FHIT: variants seen among roughly 807,000 people sequenced by gnomAD.
The protein encoded by FHIT is bis(5'-adenosyl)-triphosphatase.
In FHIT, 19 loss-of-function variants were observed where a neutral mutation model predicts 17.9. The observed-to-expected ratio is 1.06, with a 90% CI of 0.74 to 1.56. FHIT has a LOEUF of 1.56. Ranked by LOEUF, FHIT falls within the 40% of genes most tolerant of loss-of-function variation. The probability of loss-of-function intolerance (pLI) is 0.00; values close to 1 mark genes in which losing one functional copy is unlikely to be tolerated. For synonymous variants in FHIT, 81 were observed against 69.7 expected (o/e 1.16, Z -0.81); for missense variants, 248 against 189.2 (o/e 1.31, Z -1.82).
At chr3:60,500,836 A>C (rs1013916072) in intron 5 of FHIT, among the ~76,000 whole-genome samples, 17 of 151,084 alleles carry the variant, frequency 1.1e-4, no homozygotes, top group Non-Finnish European at 1.9e-4. Flanking sequence ...GCTGGCTGAA[A>C]TCATAAAGAA....
intron 5 of FHIT, among the ~76,000 whole-genome samples, chr3:60,233,809 G>C (rs1704624377): frequency 6.6e-6 from 1 of 152,050 alleles, no homozygotes; most frequent in Admixed American, 6.5e-5. Flanking sequence ...GGATCTGATG[G>C]TTTTATGAAG....
intron 4 of FHIT, among the ~76,000 whole-genome samples, chr3:60,539,111 C>A (rs1171870342): frequency 6.6e-6 from 1 of 152,068 alleles, no homozygotes; most frequent in East Asian, 1.9e-4. Context: ...AACAAACAAC[C>A]CCATCAACAA....
chr3:60,095,009 T>C (rs985925639), intron 5 of FHIT, among the ~76,000 whole-genome samples: 5 of 152,192 alleles, frequency 3.3e-5, no homozygotes, highest in African/African-American at 1.2e-4. Context: ...TTAATATCTG[T>C]TTTACATAAT....
intron 4 of FHIT, among the ~76,000 whole-genome samples, chr3:60,701,633 G>A (rs2041250122): frequency 6.6e-6 from 1 of 152,106 alleles, no homozygotes; most frequent in African/African-American, 2.4e-5. Context: ...GGAGTGTAGG[G>A]TCTACAAAAT....
chr3:60,641,929 C>T (rs1352138148), intron 4 of FHIT, among the ~76,000 whole-genome samples: 1 of 150,764 alleles, frequency 6.6e-6, no homozygotes, highest in East Asian at 2.0e-4. Flanking sequence ...TATCCTGGGC[C>T]TAAAAAAGCA....
chr3:60,368,714 G>A (rs1284423514), intron 5 of FHIT, among the ~76,000 whole-genome samples: 1 of 151,848 alleles, frequency 6.6e-6, no homozygotes, highest in African/African-American at 2.4e-5. Flanking sequence ...TTTATAGCTA[G>A]TGCTTTTTGT....
At chr3:59,753,309 ATT>A (rs1264977014) in intron 8 of FHIT, among the ~76,000 whole-genome samples, 1 of 152,194 alleles carries the variant, frequency 6.6e-6, no homozygotes, top group Non-Finnish European at 1.5e-5. Flanking sequence ...AAAATTAACA[ATT>A]TGTCTCAAAA....
chr3:61,191,004 C>G (rs1329714586), intron 2 of FHIT, among the ~76,000 whole-genome samples: 1 of 151,820 alleles, frequency 6.6e-6, no homozygotes, highest in Admixed American at 6.6e-5. Context: ...ATGGGGGCAG[C>G]ACACCAACAT....
At chr3:60,245,564 G>A (rs192260851) in intron 5 of FHIT, among the ~76,000 whole-genome samples, 18 of 152,018 alleles carry the variant, frequency 1.2e-4, no homozygotes, top group Admixed American at 2.6e-4. Context: ...TTTCACCTAC[G>A]ATATTAGGGG....
chr3:60,161,645 TTTCGAG>T (rs979470958), intron 5 of FHIT, among the ~76,000 whole-genome samples: 12 of 151,932 alleles, frequency 7.9e-5, no homozygotes, highest in African/African-American at 2.9e-4. Context: ...ATGGAGAGTG[TTTCGAG>T]GTAGGTAACT....
rs543972476 is a variant in FHIT at position 60,554,384 on chromosome 3, TG to T, written c.-17-17406del. ...GAAGTTGAAAATCACCTTACTGTTA[TG>T]TATCTTTCTGGAGTAATCAAAATTT... is the stretch of plus-strand genomic sequence containing the variant. On this transcript the variant is annotated intron_variant, in intron 4 of 9. Coordinates refer to ENST00000492590, the MANE Select transcript of FHIT (RefSeq NM_002012.4). Among the ~76,000 whole-genome samples, 34 of 152,314 alleles carry T rather than the reference TG, an allele frequency of 2.2e-4. 1 individual carries two copies. Among genetic ancestry groups the T allele is most frequent in the African/African-American group, 7.9e-4 (33 of 41,574 alleles).
At chr3:60,973,925 T>C (rs1411859595) in intron 3 of FHIT, among the ~76,000 whole-genome samples, 3 of 152,200 alleles carry the variant, frequency 2.0e-5, no homozygotes, top group African/African-American at 4.8e-5. Flanking sequence ...CAGAGAGCAC[T>C]AAGTATTAAA....
chr3:61,207,209 G>T (rs2039269835), intron 1 of FHIT, among the ~76,000 whole-genome samples: 1 of 152,138 alleles, frequency 6.6e-6, no homozygotes, highest in African/African-American at 2.4e-5. Context: ...TGTGCTGCTG[G>T]ATTCGGTTTG....
chr3:60,980,387 C>T (rs1470378720), intron 3 of FHIT, among the ~76,000 whole-genome samples: 2 of 152,190 alleles, frequency 1.3e-5, no homozygotes, highest in Non-Finnish European at 2.9e-5. Flanking sequence ...TGATCATTTG[C>T]TAAATGAGTG....
At chr3:60,188,970 T>C (rs1702280981) in intron 5 of FHIT, among the ~76,000 whole-genome samples, 1 of 152,172 alleles carries the variant, frequency 6.6e-6, no homozygotes, top group Non-Finnish European at 1.5e-5. Context: ...TGTAGCTTTC[T>C]GCACTTCAGT....
chr3:60,537,469 A>G, intron 4 of FHIT: 1 of 983,904 alleles, frequency 1.0e-6, no homozygotes, highest in Non-Finnish European at 1.2e-6. Context: ...CTTGCCTACA[A>G]TTACAAAAAC....
chr3:60,701,728 C>G (rs1470527345), intron 4 of FHIT, among the ~76,000 whole-genome samples: 1 of 152,198 alleles, frequency 6.6e-6, no homozygotes, highest in Non-Finnish European at 1.5e-5. Context: ...CAGCCTCCAG[C>G]TGCATGACTC....
At chr3:60,194,843 T>C (rs1300154227) in intron 5 of FHIT, among the ~76,000 whole-genome samples, 1 of 151,978 alleles carries the variant, frequency 6.6e-6, no homozygotes, top group Non-Finnish European at 1.5e-5. Flanking sequence ...ATGCTCAACA[T>C]CACTCATCAT....
chr3:61,246,402 C>T (rs915882183), intron 1 of FHIT, among the ~76,000 whole-genome samples: 1 of 152,152 alleles, frequency 6.6e-6, no homozygotes, highest in African/African-American at 2.4e-5. Flanking sequence ...AGTCTACACT[C>T]TAAGTAATCT....
Sources: gnomAD v4.1 joint callset for allele counts (sites outside exome capture counted in the v4.1 genomes callset) on GRCh38, gnomAD v4.1.1 for gene constraint, MANE v1.5 for transcripts, NCBI Gene and HGNC (gene_info 2026-07-23, HGNC 2026-07-21) for gene names.